Variants in PXDNL observed in about 807,000 individuals in gnomAD.
PXDNL encodes the protein peroxidasin like, also known as probable oxidoreductase PXDNL.
PXDNL carries 145 observed loss-of-function variants against 150.8 expected under a neutral mutation model. The observed-to-expected ratio is 0.96, with a 90% CI of 0.84 to 1.10. The LOEUF is 1.10. Ranked by LOEUF, PXDNL falls within the 50% of genes least tolerant of loss-of-function variation. PXDNL has a pLI of 0.00. For synonymous variants in PXDNL, 757 were observed against 725.7 expected, an observed-to-expected ratio of 1.04 and a Z score of -0.69; for missense variants, 2,087 against 1,873.9, an observed-to-expected ratio of 1.11 and a Z score of -2.10.
chr8:51,330,982 A>T (rs1445481496), intron 21 of PXDNL, among the ~76,000 whole-genome samples: 1 of 152,230 alleles, frequency 6.6e-6, no homozygotes, highest in African/African-American at 2.4e-5. Context: ...GACAGGAGGC[A>T]GGACTAGATT....
At chr8:51,448,206 T>C (rs1296977815) in intron 11 of PXDNL, among the ~76,000 whole-genome samples, 4 of 152,244 alleles carry the variant, frequency 2.6e-5, no homozygotes, top group African/African-American at 4.8e-5. Flanking sequence ...AATCCTGTTC[T>C]GTTATGTGCC....
At chr8:51,530,387 T>C (rs7003832) in intron 4 of PXDNL, among the ~76,000 whole-genome samples, 12,419 of 151,954 alleles carry the variant, frequency 0.082, 822 homozygotes, top group East Asian at 0.23. Context: ...TCTCCGCTGC[T>C]CCTCCAGGTC....
chr8:51,571,781 T>G (rs1812949510), intron 3 of PXDNL, among the ~76,000 whole-genome samples: 1 of 151,964 alleles, frequency 6.6e-6, no homozygotes, highest in Middle Eastern at 3.4e-3. Flanking sequence ...AGAGAATTAA[T>G]ACATGAAATC....
At chr8:51,575,841 A>C (rs1813039435) in intron 3 of PXDNL, among the ~76,000 whole-genome samples, 1 of 152,096 alleles carries the variant, frequency 6.6e-6, no homozygotes. Flanking sequence ...GGTCATGCAA[A>C]CATCAATCAA....
chr8:51,523,247 C>T (rs1340683823), intron 4 of PXDNL, among the ~76,000 whole-genome samples: 1 of 152,168 alleles, frequency 6.6e-6, no homozygotes, highest in East Asian at 1.9e-4. Context: ...AATATTCTCA[C>T]TTATGATATA....
chr8:51,592,746 C>T (rs1203663008), intron 2 of PXDNL, 48 bp from the exon 3 acceptor site: 2 of 1,330,870 alleles, frequency 1.5e-6, no homozygotes, highest in South Asian at 2.6e-5. Context: ...GAAACAGACT[C>T]TGCAAACATT....
intron 1 of PXDNL, among the ~76,000 whole-genome samples, chr8:51,762,817 A>G (rs2037179048): frequency 6.6e-6 from 1 of 152,204 alleles, no homozygotes; most frequent in African/African-American, 2.4e-5. Context: ...TAAATCACTT[A>G]AAATCATTTT....
chr8:51,527,203 G>A (rs1015672106), intron 4 of PXDNL, among the ~76,000 whole-genome samples: 2 of 152,160 alleles, frequency 1.3e-5, no homozygotes, highest in African/African-American at 2.4e-5. Context: ...GCTTGCCATA[G>A]AAGACCCACA....
At chr8:51,419,989 C>T (rs78710091) in intron 14 of PXDNL, among the ~76,000 whole-genome samples, 3,483 of 152,234 alleles carry the variant, frequency 0.023, 58 homozygotes, top group Non-Finnish European at 0.036. Flanking sequence ...GAAAAAATTA[C>T]AACTGTGGAA....
intron 1 of PXDNL, among the ~76,000 whole-genome samples, chr8:51,783,680 A>C (rs1168122476): frequency 6.6e-6 from 1 of 152,244 alleles, no homozygotes; most frequent in Middle Eastern, 3.2e-3. Context: ...GCTGAAATAC[A>C]CATATCTAAA....
intron 4 of PXDNL, among the ~76,000 whole-genome samples, chr8:51,501,342 ACACAC>A (rs1811171983): frequency 7.5e-6 from 1 of 132,954 alleles, no homozygotes; most frequent in Non-Finnish European, 1.6e-5. Context: ...TCATACTGAC[ACACAC>A]TCTCACATTG....
Position 51,640,637 on chromosome 8 carries a change from C to CA in PXDNL, c.236+14051dup, listed in dbSNP as rs1476215869. On this transcript the variant is annotated intron_variant, in intron 2 of 22. Transcript: ENST00000356297. ...AAAGAGAATAAAATACCTAGGAATC[C>CA]ACCTTACAAGGGACGTGAATGACCT... Among the ~76,000 whole-genome samples, 3 of 152,138 alleles carry CA rather than the reference C, an allele frequency of 2.0e-5. No individual in the cohort carries two copies. The East Asian group carries it at 5.8e-4, about 29-fold the overall frequency.
At chr8:51,372,129 G>A in intron 18 of PXDNL, 48 bp from the exon 19 acceptor site, 1 of 1,402,528 alleles carries the variant, frequency 7.1e-7, no homozygotes, top group Non-Finnish European at 9.8e-7. Flanking sequence ...TGTGGCCTGA[G>A]AACTCAGCTG....
At chr8:51,675,168 CT>C (rs1239680968) in intron 1 of PXDNL, among the ~76,000 whole-genome samples, 3 of 152,302 alleles carry the variant, frequency 2.0e-5, no homozygotes, top group East Asian at 3.9e-4. Flanking sequence ...TGTTGCTCCC[CT>C]TTTCGAGGTC....
chr8:51,320,656 C>T (rs1805287330), intron 22 of PXDNL, 128 bp downstream of exon 22: 2 of 689,272 alleles, frequency 2.9e-6, no homozygotes, highest in Non-Finnish European at 4.9e-6. Flanking sequence ...GTACCTTGAT[C>T]TTAAAAATAT....
intron 7 of PXDNL, among the ~76,000 whole-genome samples, chr8:51,472,533 A>C (rs556185014): frequency 6.6e-6 from 1 of 152,326 alleles, no homozygotes; most frequent in East Asian, 1.9e-4. Flanking sequence ...CAATGAAGTA[A>C]ATTAAGTAAA....
chr8:51,534,071 G>A (rs933951942), intron 4 of PXDNL, among the ~76,000 whole-genome samples: 22 of 144,874 alleles, frequency 1.5e-4, no homozygotes, highest in Admixed American at 1.3e-4. Context: ...ATCCCATCTA[G>A]GAAGTGAGGC....
intron 17 of PXDNL, among the ~76,000 whole-genome samples, chr8:51,388,246 C>T (rs1298366735): frequency 6.6e-6 from 1 of 152,092 alleles, no homozygotes; most frequent in South Asian, 2.1e-4. Context: ...TATTCAATTA[C>T]TATTATTTTC....
intron 9 of PXDNL, among the ~76,000 whole-genome samples, chr8:51,455,124 A>AAAAAAAAAAAAAAAAG (rs1809907898): frequency 6.8e-6 from 1 of 147,302 alleles, no homozygotes; most frequent in Admixed American, 6.8e-5. Flanking sequence ...TCAAAAAAAA[A>AAAAAAAAAAAAAAAAG]AAAAAAAAAG....
Sources: allele counts gnomAD v4.1 joint callset (sites outside exome capture counted in the v4.1 genomes callset), GRCh38; gene constraint gnomAD v4.1.1; transcripts MANE v1.5; gene names NCBI Gene and HGNC (gene_info 2026-07-23, HGNC 2026-07-21).